The following PDGFC variants were observed in gnomAD, a reference collection of about 807,000 sequenced individuals.
The protein encoded by PDGFC is platelet-derived growth factor C.
In PDGFC, 12 loss-of-function variants were observed where a neutral mutation model predicts 35.5. That is an observed-to-expected ratio of 0.34 (90% CI 0.22 to 0.55). PDGFC has a LOEUF of 0.55. PDGFC is among the 20% of genes least tolerant of loss of function. PDGFC has a pLI of 0.91. For missense variants in PDGFC, 322 were observed against 412.4 expected (o/e 0.78, Z 1.90); for synonymous variants, 159 against 148.8 (o/e 1.07, Z -0.50).
intron 1 of PDGFC, among the ~76,000 whole-genome samples, chr4:156,918,559 G>A (rs904183845): frequency 2.6e-5 from 4 of 152,274 alleles, no homozygotes; most frequent in Middle Eastern, 3.4e-3. Flanking sequence ...CCTGAGCTCC[G>A]CCTCCCGTCA....
chr4:156,953,949 T>C (rs1293314718), intron 1 of PDGFC, among the ~76,000 whole-genome samples: 8 of 151,914 alleles, frequency 5.3e-5, no homozygotes, highest in Admixed American at 5.3e-4. Flanking sequence ...ACTTCAAATA[T>C]GAATATAAAT....
intron 5 of PDGFC, among the ~76,000 whole-genome samples, chr4:156,767,137 C>T (rs1398686619): frequency 3.3e-5 from 5 of 151,848 alleles, no homozygotes. Context: ...AATTGGGAGA[C>T]TCCATCACTA....
At chr4:156,881,447 TG>T (rs911651660) in intron 1 of PDGFC, among the ~76,000 whole-genome samples, 2 of 152,188 alleles carry the variant, frequency 1.3e-5, no homozygotes, top group Non-Finnish European at 2.9e-5. Flanking sequence ...AATCTCATCT[TG>T]TGGCTCCCAT....
chr4:156,893,022 G>T (rs1730549862), intron 1 of PDGFC, among the ~76,000 whole-genome samples: 1 of 152,054 alleles, frequency 6.6e-6, no homozygotes, highest in Non-Finnish European at 1.5e-5. Context: ...CATACCACCA[G>T]ACAAGTCTTA....
intron 1 of PDGFC, among the ~76,000 whole-genome samples, chr4:156,852,188 A>G (rs1391009680): frequency 1.3e-5 from 2 of 152,066 alleles, no homozygotes; most frequent in Non-Finnish European, 2.9e-5. Context: ...GCAATGCCTC[A>G]TTGGTATTCA....
At chr4:156,874,837 C>T (rs1254513025) in intron 1 of PDGFC, among the ~76,000 whole-genome samples, 2 of 151,918 alleles carry the variant, frequency 1.3e-5, no homozygotes, top group African/African-American at 4.8e-5. Flanking sequence ...CCACCTCAGC[C>T]TCTTGAGTAG....
chr4:156,893,049 A>T (rs2111199440), intron 1 of PDGFC, among the ~76,000 whole-genome samples: 1 of 152,154 alleles, frequency 6.6e-6, no homozygotes, highest in African/African-American at 2.4e-5. Context: ...ACCTTATAAA[A>T]TCCCTTCTCA....
chr4:156,902,657 T>G (rs1730817510), intron 1 of PDGFC, among the ~76,000 whole-genome samples: 1 of 152,206 alleles, frequency 6.6e-6, no homozygotes, highest in Admixed American at 6.5e-5. Context: ...TAGTATTTTG[T>G]ACAAATTTAC....
At chr4:156,844,692 C>A (rs756920412) in intron 2 of PDGFC, among the ~76,000 whole-genome samples, 1 of 151,684 alleles carries the variant, frequency 6.6e-6, no homozygotes, top group African/African-American at 2.4e-5. Flanking sequence ...TAACATTAGG[C>A]GTAATATACT....
At chr4:156,962,781 C>G (rs1560892899) in intron 1 of PDGFC, among the ~76,000 whole-genome samples, 2 of 152,028 alleles carry the variant, frequency 1.3e-5, no homozygotes, top group Non-Finnish European at 2.9e-5. Context: ...TTCCTAATAC[C>G]TCACGGAGAG....
chr4:156,872,268 A>G (rs565004923), intron 1 of PDGFC, among the ~76,000 whole-genome samples: 1 of 152,342 alleles, frequency 6.6e-6, no homozygotes, highest in East Asian at 1.9e-4. Context: ...TATGGCAAAG[A>G]TGTGGATTTC....
intron 1 of PDGFC, among the ~76,000 whole-genome samples, chr4:156,906,803 C>G (rs896921854): frequency 2.0e-5 from 3 of 152,084 alleles, no homozygotes; most frequent in Non-Finnish European, 4.4e-5. Context: ...GTTAATCATA[C>G]GTTTCCCTTA....
intron 1 of PDGFC, among the ~76,000 whole-genome samples, chr4:156,959,401 A>G (rs963315574): frequency 1.3e-5 from 2 of 152,018 alleles, no homozygotes; most frequent in African/African-American, 4.8e-5. Context: ...ATTTGTTTAC[A>G]TGGCCCTGTA....
intron 3 of PDGFC, among the ~76,000 whole-genome samples, chr4:156,791,562 ATTAT>A (rs1172621652): frequency 1.3e-5 from 2 of 152,188 alleles, no homozygotes; most frequent in Non-Finnish European, 2.9e-5. Flanking sequence ...ATAAAGAAGA[ATTAT>A]TTAAGATAAA....
chr4:156,806,581 G>A (rs1731776637), intron 3 of PDGFC, among the ~76,000 whole-genome samples: 1 of 151,672 alleles, frequency 6.6e-6, no homozygotes, highest in Non-Finnish European at 1.5e-5. Context: ...AAGAAGAATA[G>A]TTCTAAATAT....
intron 1 of PDGFC, among the ~76,000 whole-genome samples, chr4:156,856,459 T>C (rs969977783): frequency 6.6e-6 from 1 of 152,284 alleles, no homozygotes; most frequent in East Asian, 1.9e-4. Context: ...CTGGACCAGC[T>C]ATACTAGTAA....
intron 1 of PDGFC, among the ~76,000 whole-genome samples, chr4:156,920,850 T>A (rs545956136): frequency 6.6e-6 from 1 of 152,342 alleles, no homozygotes; most frequent in Non-Finnish European, 1.5e-5. Flanking sequence ...GTTTGGGAAA[T>A]ATAATCAACA....
intron 3 of PDGFC, among the ~76,000 whole-genome samples, chr4:156,796,995 T>C (rs1731460430): frequency 6.6e-6 from 1 of 151,874 alleles, no homozygotes; most frequent in Non-Finnish European, 1.5e-5. Flanking sequence ...CCCAGCACTT[T>C]GAGAGGCCGA....
chr4:156,789,991 A>AT (rs1490907286), intron 3 of PDGFC, among the ~76,000 whole-genome samples: 4 of 146,020 alleles, frequency 2.7e-5, no homozygotes, highest in Non-Finnish European at 5.9e-5. Flanking sequence ...AAAAAAAAAA[A>AT]AAAAAAAGAA....
Sources: gnomAD v4.1 joint callset for allele counts (sites outside exome capture counted in the v4.1 genomes callset) on GRCh38, gnomAD v4.1.1 for gene constraint, MANE v1.5 for transcripts, NCBI Gene and HGNC (gene_info 2026-07-23, HGNC 2026-07-21) for gene names.